BACH2: variants seen among roughly 807,000 people sequenced by gnomAD.
BACH2 encodes BACH transcriptional regulator 2, also known as transcription regulator protein BACH2.
Under a neutral mutation model 61.8 loss-of-function variants are expected in BACH2, and 5 were observed. The ratio of observed to expected loss-of-function variants is 0.08; its 90% CI spans 0.04 to 0.17. BACH2 has a LOEUF of 0.17. Ranked by LOEUF, BACH2 falls within the 10% of genes least tolerant of loss-of-function variation. BACH2 has a pLI of 1.00. For missense variants in BACH2, 824 were observed against 1,091.1 expected (o/e 0.76, Z 3.45); for synonymous variants, 446 against 440.1 (o/e 1.01, Z -0.17).
intron 5 of BACH2, among the ~76,000 whole-genome samples, chr6:90,026,742 T>G (rs901220511): frequency 6.6e-6 from 1 of 152,144 alleles, no homozygotes; most frequent in Non-Finnish European, 1.5e-5. Context: ...GAAACAGAAG[T>G]GAATACTGAG....
intron 4 of BACH2, among the ~76,000 whole-genome samples, chr6:90,098,330 C>T (rs1782467730): frequency 6.6e-6 from 1 of 150,672 alleles, no homozygotes; most frequent in Non-Finnish European, 1.5e-5. Context: ...AATGTACCAA[C>T]ATCCTGTCTT....
At chr6:90,095,377 T>C (rs1030537487) in intron 4 of BACH2, among the ~76,000 whole-genome samples, 5 of 152,146 alleles carry the variant, frequency 3.3e-5, no homozygotes, top group African/African-American at 1.2e-4. Context: ...GCTTTTTTGC[T>C]GCAACAGAGA....
At chr6:90,060,849 G>A (rs937629866) in intron 5 of BACH2, among the ~76,000 whole-genome samples, 17 of 152,218 alleles carry the variant, frequency 1.1e-4, no homozygotes, top group Admixed American at 9.2e-4. Context: ...GTTGCAGTAC[G>A]GTCCCCATTT....
chr6:90,066,365 TG>T lies in BACH2; in HGVS notation c.-13+22595del, dbSNP rs899183673. ...GGCCATGTGACTCTGGGTCATGGGG[TG>T]GGGGTGATGAGGCAAAATGAAGGAC... is the stretch of plus-strand genomic sequence containing the variant. On this transcript the variant is annotated intron_variant, in intron 5 of 8. Coordinates refer to ENST00000257749, the MANE Select transcript of BACH2 (RefSeq NM_021813.4). Among the ~76,000 whole-genome samples, 4 of 151,752 alleles carry T rather than the reference TG, an allele frequency of 2.6e-5. No homozygotes were observed. The South Asian group carries it at 8.3e-4, about 32-fold the overall frequency.
At position 90,048,341 on chromosome 6, in the gene BACH2, C is replaced by T. The variant is rs548362594; in HGVS notation, c.-12-39485G>A. Among the ~76,000 whole-genome samples, 6 of 152,264 alleles carry T rather than the reference C, an allele frequency of 3.9e-5. No homozygotes were observed. In the South Asian group the frequency reaches 6.2e-4, roughly 16 times the overall value. Reference sequence around the variant, plus strand: ...ACAGGGTCTCACTATATTGCCCAGGCTGGTCTTGAACTCCTGGCCTCAAGC... The same window carrying T: ...ACAGGGTCTCACTATATTGCCCAGGTTGGTCTTGAACTCCTGGCCTCAAGC... On this transcript the variant is annotated intron_variant, in intron 5 of 8. Transcript: ENST00000257749.
At chr6:90,118,414 G>T (rs1332218580) in intron 4 of BACH2, among the ~76,000 whole-genome samples, 2 of 152,222 alleles carry the variant, frequency 1.3e-5, no homozygotes, top group Non-Finnish European at 2.9e-5. Flanking sequence ...GATTAAAACA[G>T]CTCTCTGGAA....
chr6:89,945,470 A>T (rs1275780528), intron 7 of BACH2, among the ~76,000 whole-genome samples: 5 of 152,218 alleles, frequency 3.3e-5, no homozygotes, highest in African/African-American at 1.2e-4. Flanking sequence ...ATCTTGCAAG[A>T]TTCTATTTAT....
chr6:90,228,459 A>G (rs1239081340), intron 3 of BACH2, among the ~76,000 whole-genome samples: 1 of 152,240 alleles, frequency 6.6e-6, no homozygotes, highest in African/African-American at 2.4e-5. Flanking sequence ...AAATGTTTTT[A>G]GGTTGGGCGT....
chr6:90,206,436 C>T (rs564111945), intron 4 of BACH2, 133 bp downstream of exon 4: 12 of 152,548 alleles, frequency 7.9e-5, no homozygotes, highest in South Asian at 6.2e-4. Flanking sequence ...TGGGGGATCA[C>T]ACGACTCTCC....
intron 4 of BACH2, among the ~76,000 whole-genome samples, chr6:90,115,521 A>G (rs207267): frequency 0.53 from 80,506 of 152,030 alleles, 21,931 homozygotes; most frequent in African/African-American, 0.61. Flanking sequence ...AAATCAATTC[A>G]AGATGGATTA....
intron 2 of BACH2, among the ~76,000 whole-genome samples, chr6:90,267,949 A>AT (rs553616967): frequency 3.3e-4 from 50 of 150,532 alleles, no homozygotes; most frequent in Middle Eastern, 3.5e-3. Context: ...TTGTCCTACA[A>AT]TTTTTTTTAA....
At chr6:90,134,197 A>T (rs1784197684) in intron 4 of BACH2, among the ~76,000 whole-genome samples, 2 of 152,116 alleles carry the variant, frequency 1.3e-5, no homozygotes, top group African/African-American at 4.8e-5. Context: ...CCTCTCCAGC[A>T]CCTGTTGTTT....
chr6:89,976,585 G>T (rs1775665326), intron 6 of BACH2, among the ~76,000 whole-genome samples: 1 of 152,204 alleles, frequency 6.6e-6, no homozygotes, highest in Non-Finnish European at 1.5e-5. Context: ...GCTTATTTTA[G>T]AAACGGTTTG....
chr6:89,964,754 C>T (rs953198816), intron 6 of BACH2, among the ~76,000 whole-genome samples: 2 of 151,692 alleles, frequency 1.3e-5, no homozygotes, highest in African/African-American at 4.8e-5. Flanking sequence ...AACATGGAAC[C>T]TTTAATTGTC....
chr6:89,998,948 C>T (rs764704618), intron 6 of BACH2, among the ~76,000 whole-genome samples: 6 of 152,060 alleles, frequency 3.9e-5, no homozygotes, highest in South Asian at 2.1e-4. Flanking sequence ...GAATGGAATG[C>T]GAATCCATTA....
chr6:90,208,972 A>G (rs111995440), intron 3 of BACH2, among the ~76,000 whole-genome samples: 9,963 of 141,756 alleles, frequency 0.07, 1,046 homozygotes, highest in African/African-American at 0.23. Flanking sequence ...TAAACACCGC[A>G]TGTTCTTACT....
At position 89,951,625 on chromosome 6, in the gene BACH2, C is replaced by T; in HGVS notation, c.481G>A (p.Gly161Arg). 1.2e-6 allele frequency: 2 copies of T among 1,614,228 alleles called. No individual in the cohort carries two copies. Among genetic ancestry groups the T allele is most frequent in the Non-Finnish European group, 1.7e-6 (2 of 1,180,050 alleles). The part of the protein sequence containing the change: ...RPHEDCENSA[G>R]EEEDEEEETM... ...TCCTCCTCTTCATCCTCCTCCTCTC[C>T]TGCAGAGTTCTCGCAGTCCTCGTGT... The change falls in exon 7 of 9, where the codon GGA becomes AGA. Residue 161 changes from glycine to arginine, a missense_variant. Around this residue, in one of 8 missense-constraint regions of BACH2, gnomAD observed 107 missense variants for 121.7 expected, o/e 0.88. Transcript: ENST00000257749. The surrounding 1 kb of genome is among the most constrained non-coding windows in gnomAD (Gnocchi z 6.4).
intron 6 of BACH2, among the ~76,000 whole-genome samples, chr6:89,960,743 G>A (rs552901437): frequency 1.5e-3 from 231 of 152,360 alleles, no homozygotes; most frequent in African/African-American, 5.3e-3. Context: ...AGACAAAGCA[G>A]AAATGCCCTT....
intron 4 of BACH2, among the ~76,000 whole-genome samples, chr6:90,107,363 T>C (rs538083741): frequency 1.3e-5 from 2 of 151,658 alleles, no homozygotes; most frequent in South Asian, 4.2e-4. Flanking sequence ...AGAGCAAGAC[T>C]CTGTCTCAAA....
Sources: gnomAD v4.1 joint callset for allele counts (sites outside exome capture counted in the v4.1 genomes callset) on GRCh38, gnomAD v4.1.1 for gene constraint, gnomAD v4.1.1 regional missense constraint, Gnocchi (gnomAD v3.1) non-coding constraint, MANE v1.5 for transcripts, NCBI Gene and HGNC (gene_info 2026-07-23, HGNC 2026-07-21) for gene names.